LDLRAD4: variants seen among roughly 807,000 people sequenced by gnomAD.
LDLRAD4 encodes the protein low-density lipoprotein receptor class A domain-containing protein 4.
A neutral mutation model predicts 17.0 loss-of-function variants in LDLRAD4; 5 were observed. The observed-to-expected ratio is 0.29, with a 90% CI of 0.15 to 0.62. The LOEUF is 0.62. Ranked by LOEUF, LDLRAD4 falls within the 20% of genes least tolerant of loss-of-function variation. The pLI is 0.84. For missense variants in LDLRAD4, 340 were observed against 424.7 expected, an observed-to-expected ratio of 0.80 and a Z score of 1.75; for synonymous variants, 168 against 171.8, an observed-to-expected ratio of 0.98 and a Z score of 0.17.
At chr18:13,308,510 C>T (rs2146687616) in intron 1 of LDLRAD4, among the ~76,000 whole-genome samples, 1 of 152,326 alleles carries the variant, frequency 6.6e-6, no homozygotes, top group East Asian at 1.9e-4. Flanking sequence ...GGGGCCTGTG[C>T]TGGTGTACTC....
At chr18:13,574,659 C>A (rs2094742636) in intron 3 of LDLRAD4, among the ~76,000 whole-genome samples, 1 of 152,224 alleles carries the variant, frequency 6.6e-6, no homozygotes, top group African/African-American at 2.4e-5. Context: ...GAGCACTTCA[C>A]ACTCTACCTC....
chr18:13,480,609 ACT>A (rs1445963266), intron 3 of LDLRAD4, among the ~76,000 whole-genome samples: 1 of 151,890 alleles, frequency 6.6e-6, no homozygotes, highest in Non-Finnish European at 1.5e-5. Flanking sequence ...ATGATGCGCC[ACT>A]CTGTGTGGGA....
intron 4 of LDLRAD4, among the ~76,000 whole-genome samples, chr18:13,638,661 G>A (rs1470040535): frequency 2.6e-5 from 4 of 152,184 alleles, no homozygotes; most frequent in African/African-American, 2.4e-5. Flanking sequence ...CCTTATAATG[G>A]TCAAACATGA....
chr18:13,583,560 G>A (rs536272770), intron 3 of LDLRAD4, among the ~76,000 whole-genome samples: 3 of 152,280 alleles, frequency 2.0e-5, no homozygotes, highest in South Asian at 2.1e-4. Context: ...GAGTTTGGCC[G>A]CTGAGATATT....
chr18:13,258,756 T>C (rs2043642206), intron 1 of LDLRAD4, among the ~76,000 whole-genome samples: 2 of 152,252 alleles, frequency 1.3e-5, no homozygotes, highest in Non-Finnish European at 2.9e-5. Flanking sequence ...CCTGGCTTAG[T>C]ATGAAGTTTA....
In LDLRAD4 at chr18:13,386,949, TGG is replaced by T. The variant is rs1568083050; in HGVS notation, c.-382-391_-382-390del. 2.6e-3 allele frequency among the ~76,000 whole-genome samples: 198 copies of T among 75,558 alleles called. 1 individual carries two copies. Among genetic ancestry groups the T allele is most frequent in the African/African-American group, 8.2e-3 (146 of 17,732 alleles). The allele number at this position is 75,558 out of a possible 152,430, so 49.6% of individuals were successfully genotyped here. ...ATAGATAGATAGATAGATAGATAGATGGATGGATGGATAGATAAGATAGATAG... is the reference window on the plus strand; with the variant it reads ...ATAGATAGATAGATAGATAGATAGATATGGATGGATAGATAAGATAGATAG... On this transcript the variant is annotated intron_variant, in intron 1 of 5. Coordinates refer to ENST00000359446, the Ensembl canonical transcript of LDLRAD4.
intron 3 of LDLRAD4, among the ~76,000 whole-genome samples, chr18:13,485,461 T>G (rs148722944): frequency 1.2e-3 from 176 of 152,344 alleles, no homozygotes; most frequent in Non-Finnish European, 1.8e-3. Flanking sequence ...TCTCCATGTC[T>G]GCAGGCCAGG....
chr18:13,570,736 G>A (rs117478479), intron 3 of LDLRAD4, among the ~76,000 whole-genome samples: 11 of 152,214 alleles, frequency 7.2e-5, no homozygotes, highest in African/African-American at 2.2e-4. Context: ...GACAGAAGGC[G>A]CAGCCCTCTG....
At position 13,570,607 on chromosome 18, in the gene LDLRAD4, A is replaced by G. The variant is rs138598275; in HGVS notation, c.182-50510A>G. Among the ~76,000 whole-genome samples, 373 of 152,322 alleles carry G rather than the reference A, an allele frequency of 2.4e-3. 1 individual carries two copies. The highest frequency in any genetic ancestry group is 0.01 in the Middle Eastern group (3 of 294). On this transcript the variant is annotated intron_variant, in intron 3 of 5. Coordinates refer to ENST00000359446, the Ensembl canonical transcript of LDLRAD4. The stretch of plus-strand genomic sequence containing the variant: ...ACGGCTCCCGCTGCATGGAAAGGGC[A>G]TGCTCTTGATTTTGTACCTGGAGAG...
chr18:13,326,813 G>C (rs1433437346), intron 1 of LDLRAD4, among the ~76,000 whole-genome samples: 1 of 151,844 alleles, frequency 6.6e-6, no homozygotes, highest in African/African-American at 2.4e-5. Context: ...CTGTCACCCA[G>C]GCTGGAGTGC....
At chr18:13,555,392 A>C (rs2094473765) in intron 3 of LDLRAD4, among the ~76,000 whole-genome samples, 1 of 152,230 alleles carries the variant, frequency 6.6e-6, no homozygotes, top group African/African-American at 2.4e-5. Flanking sequence ...AAGTAAAATG[A>C]GTCACAGCCT....
At chr18:13,268,939 C>T (rs2044369987) in intron 1 of LDLRAD4, among the ~76,000 whole-genome samples, 1 of 152,154 alleles carries the variant, frequency 6.6e-6, no homozygotes, top group Non-Finnish European at 1.5e-5. Context: ...TCTTGTCTTC[C>T]AACTTTTTAC....
chr18:13,457,731 C>T (rs1040549132), intron 3 of LDLRAD4, among the ~76,000 whole-genome samples: 6 of 152,100 alleles, frequency 3.9e-5, no homozygotes, highest in Non-Finnish European at 1.5e-5. Flanking sequence ...GTTCACAGGC[C>T]CTCCCCAAGC....
rs8099171 is a variant in LDLRAD4 at position 13,282,104 on chromosome 18, T to C, written c.-383+3916T>C. ...GACTTATTCACTATCATGAGAATAG[T>C]ATGGGAAAGACTGGCCCCCATGATT... is the stretch of plus-strand genomic sequence containing the variant. On this transcript the variant is annotated intron_variant, in intron 1 of 5. Coordinates refer to ENST00000359446, the Ensembl canonical transcript of LDLRAD4. Among the ~76,000 whole-genome samples, 902 of 152,252 alleles carry C rather than the reference T, an allele frequency of 5.9e-3. 19 individuals carry two copies. Among genetic ancestry groups the C allele is most frequent in the African/African-American group, 0.021 (861 of 41,544 alleles).
At chr18:13,419,588 A>G (rs548468274) in intron 2 of LDLRAD4, 2 of 152,286 alleles carry the variant, frequency 1.3e-5, no homozygotes, top group African/African-American at 4.8e-5. Flanking sequence ...TGCCGTTTAT[A>G]GGTATCCAAA....
chr18:13,241,564 G>C (rs547180790), intron 1 of LDLRAD4: 1 of 152,558 alleles, frequency 6.6e-6, no homozygotes, highest in South Asian at 2.1e-4. Context: ...GACGGATGCA[G>C]GGGCAGAGAG....
At chr18:13,439,815 G>A (rs2090909444) in intron 3 of LDLRAD4, among the ~76,000 whole-genome samples, 1 of 152,168 alleles carries the variant, frequency 6.6e-6, no homozygotes, top group South Asian at 2.1e-4. Context: ...CAGAGGGTCG[G>A]GAGCCCTGAG....
intron 3 of LDLRAD4, among the ~76,000 whole-genome samples, chr18:13,527,704 G>C (rs1334747092): frequency 1.3e-5 from 2 of 152,210 alleles, no homozygotes; most frequent in Non-Finnish European, 2.9e-5. Context: ...GGCAGAGTGT[G>C]AGAGCAAAGG....
At chr18:13,282,969 T>G (rs1429180113) in intron 1 of LDLRAD4, among the ~76,000 whole-genome samples, 2 of 152,246 alleles carry the variant, frequency 1.3e-5, no homozygotes, top group African/African-American at 4.8e-5. Flanking sequence ...ATGTGGAAGC[T>G]GCCAAGGCTT....
Sources: allele counts gnomAD v4.1 joint callset (sites outside exome capture counted in the v4.1 genomes callset), GRCh38; gene constraint gnomAD v4.1.1; transcripts MANE v1.5; gene names NCBI Gene and HGNC (gene_info 2026-07-23, HGNC 2026-07-21).